Variants in TMEM132B observed in about 807,000 individuals in gnomAD.
TMEM132B encodes transmembrane protein 132B.
TMEM132B carries 18 observed loss-of-function variants against 90.8 expected under a neutral mutation model. The observed-to-expected ratio is 0.20, with a 90% CI of 0.14 to 0.29. The LOEUF (loss-of-function observed/expected upper bound fraction) is 0.29. TMEM132B is among the 10% of genes least tolerant of loss of function. TMEM132B has a pLI of 1.00. For missense variants in TMEM132B, 1,096 were observed against 1,326.8 expected, an observed-to-expected ratio of 0.83 and a Z score of 2.70; for synonymous variants, 504 against 523.3, an observed-to-expected ratio of 0.96 and a Z score of 0.50.
chr12:125,391,556 A>T (rs1056621150), intron 2 of TMEM132B, among the ~76,000 whole-genome samples: 4 of 151,188 alleles, frequency 2.6e-5, no homozygotes, highest in African/African-American at 9.7e-5. Context: ...ACCCTCCCCT[A>T]CTCCCCTGCA....
At chr12:125,557,780 G>T (rs1310284109) in intron 4 of TMEM132B, among the ~76,000 whole-genome samples, 1 of 152,172 alleles carries the variant, frequency 6.6e-6, no homozygotes, top group Non-Finnish European at 1.5e-5. Flanking sequence ...AGGGTGATGG[G>T]TTAGACAGTG....
At chr12:125,322,323 T>C (rs375499795) in intron 1 of TMEM132B, among the ~76,000 whole-genome samples, 2 of 152,238 alleles carry the variant, frequency 1.3e-5, no homozygotes, top group Non-Finnish European at 2.9e-5. Flanking sequence ...GCCATGATTG[T>C]GAGGCCTCCC....
At chr12:125,205,987 C>G (rs1431608013) in intron 1 of TMEM132B, among the ~76,000 whole-genome samples, 2 of 152,166 alleles carry the variant, frequency 1.3e-5, no homozygotes, top group African/African-American at 4.8e-5. Context: ...CCTCCTGAAT[C>G]TGGTCTGGGG....
intron 1 of TMEM132B, among the ~76,000 whole-genome samples, chr12:125,256,105 T>G (rs4334084): frequency 0.29 from 43,650 of 151,948 alleles, 6,710 homozygotes; most frequent in Middle Eastern, 0.37. Context: ...GTCATCAAAC[T>G]CTGAAGATCT....
chr12:125,352,366 G>A (rs1042075717), intron 2 of TMEM132B, among the ~76,000 whole-genome samples: 12 of 152,222 alleles, frequency 7.9e-5, no homozygotes, highest in Non-Finnish European at 1.8e-4. Flanking sequence ...TTTTAGGATC[G>A]CTAAAAGTAG....
intron 6 of TMEM132B, 103 bp downstream of exon 6, chr12:125,644,384 T>C: frequency 7.7e-7 from 1 of 1,301,112 alleles, no homozygotes; most frequent in Non-Finnish European, 1.1e-6. Flanking sequence ...GGAAGCAACA[T>C]CCACAGCGGG....
intron 4 of TMEM132B, among the ~76,000 whole-genome samples, chr12:125,554,730 C>T (rs148231796): frequency 6.6e-6 from 1 of 152,314 alleles, no homozygotes; most frequent in African/African-American, 2.4e-5. Context: ...ACTGTCCTCA[C>T]ATTCTCTTGG....
chr12:125,610,756 T>C (rs1234434698), intron 5 of TMEM132B, among the ~76,000 whole-genome samples: 1 of 152,102 alleles, frequency 6.6e-6, no homozygotes, highest in Non-Finnish European at 1.5e-5. Context: ...AAAAAATAAA[T>C]ATATGAAGCT....
chr12:125,557,906 T>C (rs1296493016), intron 4 of TMEM132B, among the ~76,000 whole-genome samples: 6 of 151,964 alleles, frequency 3.9e-5, no homozygotes, highest in Non-Finnish European at 7.4e-5. Context: ...CTGGAGATGG[T>C]TAGAGTTAGA....
chr12:125,513,917 G>C (rs1302596512), intron 3 of TMEM132B, among the ~76,000 whole-genome samples: 1 of 152,070 alleles, frequency 6.6e-6, no homozygotes, highest in Non-Finnish European at 1.5e-5. Flanking sequence ...TTCCTGACTA[G>C]TAAGACAGGA....
chr12:125,419,201 C>T (rs1005407416), intron 3 of TMEM132B, among the ~76,000 whole-genome samples: 7 of 152,198 alleles, frequency 4.6e-5, no homozygotes, highest in Admixed American at 1.3e-4. Flanking sequence ...GGCACACCCA[C>T]GTTGCTGTAA....
Position 125,448,577 on chromosome 12 carries a change from TA to T in TMEM132B, c.1106+32902del, listed in dbSNP as rs551609347. Among the ~76,000 whole-genome samples, 19 of 152,340 alleles carry T rather than the reference TA, an allele frequency of 1.2e-4. No individual in the cohort carries two copies. In the South Asian group the frequency reaches 3.9e-3, roughly 32 times the overall value. Reference sequence around the variant, plus strand: ...CCAGTAGTATTCCATTGTATAGATATAATTTATTGTCTATTCACCTGTTCAT... The same window carrying T: ...CCAGTAGTATTCCATTGTATAGATATATTTATTGTCTATTCACCTGTTCAT... On this transcript the variant is annotated intron_variant, in intron 3 of 8. Coordinates refer to ENST00000682704, the MANE Select transcript of TMEM132B (RefSeq NM_001366854.1).
intron 1 of TMEM132B, among the ~76,000 whole-genome samples, chr12:125,296,578 G>GT (rs757005703): frequency 2.1e-4 from 32 of 152,194 alleles, no homozygotes; most frequent in Admixed American, 7.2e-4. Context: ...TACTTGCTCT[G>GT]TTTATGATTT....
At chr12:125,331,065 C>G (rs927432473) in intron 1 of TMEM132B, among the ~76,000 whole-genome samples, 8 of 152,186 alleles carry the variant, frequency 5.3e-5, no homozygotes, top group Non-Finnish European at 1.2e-4. Flanking sequence ...ACCGGCTCCT[C>G]GTGCAGCGCT....
chr12:125,222,090 T>G (rs1450483783), intron 1 of TMEM132B, among the ~76,000 whole-genome samples: 1 of 152,198 alleles, frequency 6.6e-6, no homozygotes, highest in African/African-American at 2.4e-5. Flanking sequence ...ACTGGATTGC[T>G]GTCAAGGCCC....
chr12:125,418,181 T>A (rs1037477601), intron 3 of TMEM132B, among the ~76,000 whole-genome samples: 1 of 152,168 alleles, frequency 6.6e-6, no homozygotes, highest in Admixed American at 6.5e-5. Flanking sequence ...AGTGGTAATG[T>A]TTTAAATTGA....
At chr12:125,264,825 A>G (rs1874648465) in intron 1 of TMEM132B, among the ~76,000 whole-genome samples, 1 of 152,228 alleles carries the variant, frequency 6.6e-6, no homozygotes, top group African/African-American at 2.4e-5. Context: ...CAAACACCCA[A>G]ACGCATGTGC....
chr12:125,386,018 G>A (rs1335031443), intron 2 of TMEM132B, among the ~76,000 whole-genome samples: 3 of 152,050 alleles, frequency 2.0e-5, no homozygotes, highest in Non-Finnish European at 4.4e-5. Flanking sequence ...TTTGAGACAG[G>A]ATCTCACTCT....
At chr12:125,439,280 G>A (rs1426481261) in intron 3 of TMEM132B, among the ~76,000 whole-genome samples, 5 of 152,154 alleles carry the variant, frequency 3.3e-5, no homozygotes, top group Non-Finnish European at 7.4e-5. Flanking sequence ...TTTAATGATG[G>A]TAATTATTCC....
Sources: allele counts gnomAD v4.1 joint callset (sites outside exome capture counted in the v4.1 genomes callset), GRCh38; gene constraint gnomAD v4.1.1; transcripts MANE v1.5; gene names NCBI Gene and HGNC (gene_info 2026-07-23, HGNC 2026-07-21).